The following SPON1 variants were observed in gnomAD, a reference collection of about 807,000 sequenced individuals.
The protein encoded by SPON1 is spondin 1, also known as spondin-1.
A neutral mutation model predicts 111.7 loss-of-function variants in SPON1; 52 were observed. That is an observed-to-expected ratio of 0.47 (90% CI 0.37 to 0.59). The LOEUF (loss-of-function observed/expected upper bound fraction) is 0.59, where lower values mean the gene tolerates loss of function less well. Among genes scored for constraint, SPON1 ranks in the 20% least tolerant of loss-of-function variants. The pLI is 0.00. For missense variants in SPON1, 957 were observed against 1,068.5 expected (o/e 0.90, Z 1.46); for synonymous variants, 410 against 395.8 (o/e 1.04, Z -0.43).
At chr11:14,105,828 G>C (rs1182741852) in intron 5 of SPON1, among the ~76,000 whole-genome samples, 2 of 152,106 alleles carry the variant, frequency 1.3e-5, no homozygotes, top group Admixed American at 1.3e-4. Context: ...TTTATTTCTT[G>C]AGCACATCAT....
At chr11:14,032,693 T>A (rs1020929195) in intron 2 of SPON1, among the ~76,000 whole-genome samples, 3 of 152,212 alleles carry the variant, frequency 2.0e-5, no homozygotes, top group Non-Finnish European at 2.9e-5. Context: ...GAGCCATGAT[T>A]TAGTCCAAAT....
At chr11:14,052,620 G>GCTA (rs1848716371) in intron 3 of SPON1, among the ~76,000 whole-genome samples, 2 of 152,188 alleles carry the variant, frequency 1.3e-5, no homozygotes, top group Non-Finnish European at 2.9e-5. Context: ...CAATGCCATG[G>GCTA]CTAAATGAAA....
intron 5 of SPON1, among the ~76,000 whole-genome samples, chr11:14,121,380 G>T (rs1174795099): frequency 1.3e-5 from 2 of 152,182 alleles, no homozygotes; most frequent in Non-Finnish European, 2.9e-5. Flanking sequence ...CCCAGCAATT[G>T]TTCAAATGTG....
intron 2 of SPON1, among the ~76,000 whole-genome samples, chr11:13,984,104 A>G (rs1848164346): frequency 6.6e-6 from 1 of 152,204 alleles, no homozygotes; most frequent in Non-Finnish European, 1.5e-5. Flanking sequence ...TAATAATACT[A>G]GCAACAGCCA....
At chr11:14,199,228 G>T (rs2133895711) in intron 6 of SPON1, among the ~76,000 whole-genome samples, 1 of 152,050 alleles carries the variant, frequency 6.6e-6, no homozygotes, top group Admixed American at 6.5e-5. Flanking sequence ...GAGATGTAAG[G>T]GCACTAGCTT....
At chr11:13,989,826 G>A (rs9666632) in intron 2 of SPON1, among the ~76,000 whole-genome samples, 7,185 of 152,182 alleles carry the variant, frequency 0.047, 556 homozygotes, top group African/African-American at 0.16. Flanking sequence ...TCAGGAGCAC[G>A]TTGTTCAGTT....
chr11:14,091,967 G>C (rs2403707), intron 5 of SPON1, among the ~76,000 whole-genome samples: 59,230 of 152,030 alleles, frequency 0.39, 12,149 homozygotes, highest in East Asian at 0.56. Flanking sequence ...CCTGGGCAAG[G>C]CGACACCCCA....
intron 6 of SPON1, among the ~76,000 whole-genome samples, chr11:14,161,263 A>T (rs1450594341): frequency 3.0e-5 from 1 of 33,288 alleles, no homozygotes; most frequent in Non-Finnish European, 7.5e-5. Context: ...TTATATATTT[A>T]TATATCTGTA....
intron 6 of SPON1, among the ~76,000 whole-genome samples, chr11:14,157,379 G>T (rs1209154903): frequency 6.6e-6 from 1 of 152,122 alleles, no homozygotes; most frequent in Non-Finnish European, 1.5e-5. Flanking sequence ...TGGCTTTCAT[G>T]ATTTCTGTTG....
At chr11:14,241,963 C>A (rs1424502731) in intron 6 of SPON1, among the ~76,000 whole-genome samples, 2 of 152,092 alleles carry the variant, frequency 1.3e-5, no homozygotes, top group East Asian at 3.9e-4. Flanking sequence ...CTGCAAGCTT[C>A]CTGGGTGGCT....
At chr11:13,964,733 C>G (rs1238724600) in intron 1 of SPON1, among the ~76,000 whole-genome samples, 2 of 152,130 alleles carry the variant, frequency 1.3e-5, no homozygotes, top group South Asian at 2.1e-4. Flanking sequence ...CGAGCCGCGC[C>G]GACGGGCGGC....
chr11:14,241,734 A>G (rs547656308), intron 6 of SPON1, among the ~76,000 whole-genome samples: 95 of 152,316 alleles, frequency 6.2e-4, no homozygotes, highest in African/African-American at 2.2e-3. Flanking sequence ...TGACTTCAAG[A>G]TAAACAACTT....
At chr11:14,136,416 T>C (rs1249404897) in intron 6 of SPON1, among the ~76,000 whole-genome samples, 2 of 152,336 alleles carry the variant, frequency 1.3e-5, no homozygotes, top group African/African-American at 4.8e-5. Flanking sequence ...CACAGGTCAC[T>C]GAGAGGCTGT....
intron 5 of SPON1, among the ~76,000 whole-genome samples, chr11:14,123,120 A>T: frequency 6.6e-6 from 1 of 151,778 alleles, no homozygotes; most frequent in East Asian, 1.9e-4. Flanking sequence ...TTTTGTAGAG[A>T]TGAGGCCTCA....
At chr11:14,140,150 C>T (rs1009089524) in intron 6 of SPON1, among the ~76,000 whole-genome samples, 1 of 152,112 alleles carries the variant, frequency 6.6e-6, no homozygotes, top group East Asian at 1.9e-4. Flanking sequence ...TTGGGCAGGG[C>T]CTTGTTGGGT....
At chr11:14,173,548 C>A (rs1394333052) in intron 6 of SPON1, among the ~76,000 whole-genome samples, 2 of 152,194 alleles carry the variant, frequency 1.3e-5, no homozygotes, top group South Asian at 2.1e-4. Context: ...AGCTGCGTTC[C>A]TTTGGAGGAG....
chr11:14,190,177 A>T (rs1159180717), intron 6 of SPON1, among the ~76,000 whole-genome samples: 2 of 152,146 alleles, frequency 1.3e-5, no homozygotes, highest in African/African-American at 4.8e-5. Flanking sequence ...ATGAAACCCT[A>T]TGTGAACTTC....
At position 14,122,776 on chromosome 11, in the gene SPON1, A is replaced by G. The variant is rs371884701; in HGVS notation, c.677-12644A>G. On this transcript the variant is annotated intron_variant, in intron 5 of 15. Transcript: ENST00000576479. ...AAAATTCCCTATCTGTTCACTCATT[A>G]TGTCCATCTTTAAATCCTTGAACAT... Among the ~76,000 whole-genome samples the G allele has an allele frequency of 2.2e-4, 34 of 152,224 alleles. 1 individual carries two copies. The East Asian group carries it at 6.0e-3, about 27-fold the overall frequency.
intron 6 of SPON1, among the ~76,000 whole-genome samples, chr11:14,161,202 T>G (rs1591394681): frequency 7.8e-6 from 1 of 128,356 alleles, no homozygotes; most frequent in East Asian, 2.1e-4. Flanking sequence ...TATATATATT[T>G]ATATATTTAT....
Sources: gnomAD v4.1 joint callset for allele counts (sites outside exome capture counted in the v4.1 genomes callset) on GRCh38, gnomAD v4.1.1 for gene constraint, MANE v1.5 for transcripts, NCBI Gene and HGNC (gene_info 2026-07-23, HGNC 2026-07-21) for gene names.